Variants in ANO2 observed in about 807,000 individuals in gnomAD.
The protein encoded by ANO2 is anoctamin-2.
In ANO2, 101 loss-of-function variants were observed where a neutral mutation model predicts 124.2. That is an observed-to-expected ratio of 0.81 (90% CI 0.69 to 0.96). The LOEUF is 0.96. Among genes scored for constraint, ANO2 ranks in the 40% least tolerant of loss-of-function variants. The probability of loss-of-function intolerance (pLI) is 0.00; values close to 1 mark genes in which losing one functional copy is unlikely to be tolerated. For missense variants in ANO2, 1,293 were observed against 1,274.5 expected (o/e 1.01, Z -0.22); for synonymous variants, 486 against 482.5 (o/e 1.01, Z -0.09).
intron 14 of ANO2, among the ~76,000 whole-genome samples, chr12:5,704,434 G>A (rs950277975): frequency 2.6e-5 from 4 of 152,132 alleles, no homozygotes; most frequent in Non-Finnish European, 5.9e-5. Context: ...GGGCATAAAA[G>A]AATGCTGTTT....
In ANO2 at chr12:5,738,338, A is replaced by G. The variant is rs1420805112; in HGVS notation, c.1434+979T>C. Among the ~76,000 whole-genome samples, 4 of 152,212 alleles carry G rather than the reference A, an allele frequency of 2.6e-5. No homozygotes were observed. The East Asian group carries it at 7.7e-4, about 29-fold the overall frequency. On this transcript the variant is annotated intron_variant, in intron 13 of 24. Coordinates refer to ENST00000682330, the MANE Select transcript of ANO2 (RefSeq NM_001364791.2). Reference sequence around the variant, plus strand: ...CCCAGGTCCCTAGTCCAAGGCAATCACTGTAGGAGAGTAATGAGCAGGCTT... The same window carrying G: ...CCCAGGTCCCTAGTCCAAGGCAATCGCTGTAGGAGAGTAATGAGCAGGCTT...
intron 7 of ANO2, among the ~76,000 whole-genome samples, chr12:5,816,547 C>T (rs1353843876): frequency 1.1e-4 from 16 of 152,068 alleles, no homozygotes; most frequent in Admixed American, 1.0e-3. Flanking sequence ...TCCACTCCTA[C>T]TCTGTAGCAT....
At chr12:5,704,384 C>G (rs1022763738) in intron 14 of ANO2, among the ~76,000 whole-genome samples, 1 of 152,140 alleles carries the variant, frequency 6.6e-6, no homozygotes, top group Admixed American at 6.5e-5. Context: ...GAGAGCAACT[C>G]GTTCTTTACT....
At chr12:5,675,512 C>T (rs1024331015) in intron 14 of ANO2, among the ~76,000 whole-genome samples, 2 of 152,182 alleles carry the variant, frequency 1.3e-5, no homozygotes, top group Non-Finnish European at 2.9e-5. Context: ...TCCAGACCCT[C>T]GTATTTCCAA....
rs1342434959 is a variant in ANO2, at chr12:5,562,793, T to C, written c.*506A>G. 1 of 156,280 alleles carries C rather than the reference T, an allele frequency of 6.4e-6. No homozygotes were observed. 9.7% of individuals were successfully genotyped at this position (156,280 alleles called of 1,614,324 possible). On this transcript the variant is annotated 3_prime_UTR_variant, in exon 25 of 25. Coordinates refer to ENST00000682330, the MANE Select transcript of ANO2 (RefSeq NM_001364791.2). ...AGGTTTGGACCTTTGCACCTTACTA[T>C]CAGGTCCAGCGGCTGCACCATTCAG...
At chr12:5,843,833 G>A (rs1954600732) in intron 4 of ANO2, among the ~76,000 whole-genome samples, 1 of 152,124 alleles carries the variant, frequency 6.6e-6, no homozygotes, top group Admixed American at 6.5e-5. Context: ...TAATCAACCT[G>A]GTGTTTATTG....
At chr12:5,849,701 A>T (rs578257007) in intron 4 of ANO2, among the ~76,000 whole-genome samples, 2 of 152,002 alleles carry the variant, frequency 1.3e-5, no homozygotes, top group African/African-American at 4.8e-5. Context: ...TGAGATCTCG[A>T]TTTTGTGATT....
chr12:5,580,998 A>G (rs1427111597), intron 20 of ANO2, among the ~76,000 whole-genome samples: 1 of 152,196 alleles, frequency 6.6e-6, no homozygotes, highest in South Asian at 2.1e-4. Context: ...CCCCAAAAAC[A>G]AGCTCTGGAA....
At chr12:5,609,776 G>C (rs1268663753) in intron 19 of ANO2, among the ~76,000 whole-genome samples, 3 of 151,648 alleles carry the variant, frequency 2.0e-5, no homozygotes, top group African/African-American at 7.3e-5. Flanking sequence ...AGAACTGCCA[G>C]CTCATTGGGC....
intron 4 of ANO2, among the ~76,000 whole-genome samples, chr12:5,852,848 C>CGTGTGT (rs71445682): frequency 0.082 from 10,167 of 123,764 alleles, 478 homozygotes; most frequent in African/African-American, 0.12. Flanking sequence ...TGGAAAGGGA[C>CGTGTGT]GTGTGTGTGT....
intron 3 of ANO2, among the ~76,000 whole-genome samples, chr12:5,860,656 G>C (rs1267231461): frequency 6.6e-6 from 1 of 152,166 alleles, no homozygotes; most frequent in Admixed American, 6.5e-5. Context: ...ATTCTTGAAT[G>C]TGTCTCTCAT....
At chr12:5,884,898 C>A (rs939413327) in intron 3 of ANO2, among the ~76,000 whole-genome samples, 5 of 147,984 alleles carry the variant, frequency 3.4e-5, no homozygotes, top group African/African-American at 9.7e-5. Flanking sequence ...AGCAAGAACA[C>A]CCCCTGCCCA....
At chr12:5,876,008 A>G (rs1938073901) in intron 3 of ANO2, among the ~76,000 whole-genome samples, 1 of 152,162 alleles carries the variant, frequency 6.6e-6, no homozygotes, top group Non-Finnish European at 1.5e-5. Flanking sequence ...ATGTGAGAGA[A>G]GAAGGATGGT....
At chr12:5,924,511 A>AGAAGG (rs1213503560) in intron 1 of ANO2, among the ~76,000 whole-genome samples, 2 of 152,224 alleles carry the variant, frequency 1.3e-5, no homozygotes, top group Admixed American at 6.5e-5. Context: ...GAGACAGCAC[A>AGAAGG]GAAGGGCAGG....
chr12:5,679,445 A>T (rs913122961), intron 14 of ANO2, among the ~76,000 whole-genome samples: 2 of 152,244 alleles, frequency 1.3e-5, no homozygotes, highest in African/African-American at 4.8e-5. Flanking sequence ...TTACAAGAAG[A>T]AAACAAACAA....
At chr12:5,754,066 T>C (rs1480005727) in intron 10 of ANO2, among the ~76,000 whole-genome samples, 1 of 152,236 alleles carries the variant, frequency 6.6e-6, no homozygotes, top group Middle Eastern at 3.2e-3. Flanking sequence ...TCCTAATTCA[T>C]TGACAGTCAT....
intron 19 of ANO2, among the ~76,000 whole-genome samples, chr12:5,610,288 TA>T (rs1295826934): frequency 8.9e-6 from 1 of 112,072 alleles, no homozygotes; most frequent in Non-Finnish European, 1.7e-5. Flanking sequence ...TATTTATACA[TA>T]AATATATAAA....
chr12:5,575,220 C>T (rs1346366704), intron 23 of ANO2, among the ~76,000 whole-genome samples: 1 of 152,214 alleles, frequency 6.6e-6, no homozygotes, highest in East Asian at 1.9e-4. Flanking sequence ...CTGCTATTTC[C>T]TATCTGTTCT....
At chr12:5,799,448 T>C (rs1476022819) in intron 10 of ANO2, 59 bp downstream of exon 10, 5 of 1,435,680 alleles carry the variant, frequency 3.5e-6, no homozygotes, top group East Asian at 4.6e-5. Context: ...AGGTTTATGA[T>C]ACATCTTTCA....
Sources: gnomAD v4.1 joint callset for allele counts (sites outside exome capture counted in the v4.1 genomes callset) on GRCh38, gnomAD v4.1.1 for gene constraint, MANE v1.5 for transcripts, NCBI Gene and HGNC (gene_info 2026-07-23, HGNC 2026-07-21) for gene names.